RAPGEF4: variants seen among roughly 807,000 people sequenced by gnomAD.
RAPGEF4 encodes the protein RAP guanine-nucleotide-exchange factor (GEF) 4.
Under a neutral mutation model 147.9 loss-of-function variants are expected in RAPGEF4, and 66 were observed. That is an observed-to-expected ratio of 0.45 (90% CI 0.37 to 0.55). The LOEUF is 0.55. Ranked by LOEUF, RAPGEF4 falls within the 20% of genes least tolerant of loss-of-function variation. RAPGEF4 has a pLI of 0.00. For missense variants in RAPGEF4, 1,071 were observed against 1,257.3 expected, an observed-to-expected ratio of 0.85 and a Z score of 2.24; for synonymous variants, 419 against 442.7, an observed-to-expected ratio of 0.95 and a Z score of 0.67.
chr2:172,797,334 A>T (rs969364210), intron 2 of RAPGEF4, among the ~76,000 whole-genome samples, 191 bp from the exon 3 acceptor site: 4 of 152,212 alleles, frequency 2.6e-5, no homozygotes, highest in Non-Finnish European at 5.9e-5. Context: ...AGAATATTGA[A>T]TAAATAGGAT....
intron 30 of RAPGEF4, among the ~76,000 whole-genome samples, chr2:173,050,757 CAAAAAAAA>C (rs34661805): frequency 1.9e-4 from 23 of 120,080 alleles, no homozygotes; most frequent in Admixed American, 3.5e-4. Flanking sequence ...CATTTCTTAA[CAAAAAAAA>C]AAAAAAAAAA....
At chr2:172,993,687 C>T (rs1410810368) in intron 15 of RAPGEF4, among the ~76,000 whole-genome samples, 1 of 152,138 alleles carries the variant, frequency 6.6e-6, no homozygotes, top group Non-Finnish European at 1.5e-5. Context: ...AAAGCCGTCA[C>T]GTGATGTTTC....
chr2:172,818,256 C>T (rs1688711237), intron 4 of RAPGEF4, among the ~76,000 whole-genome samples: 1 of 151,944 alleles, frequency 6.6e-6, no homozygotes, highest in Non-Finnish European at 1.5e-5. Flanking sequence ...GTGATGGATG[C>T]ACGAAAATCT....
chr2:172,984,552 C>A (rs1433893554), intron 11 of RAPGEF4, among the ~76,000 whole-genome samples: 1 of 152,202 alleles, frequency 6.6e-6, no homozygotes, highest in Admixed American at 6.5e-5. Context: ...ATGTGGACTA[C>A]CCAGGGAAGT....
intron 17 of RAPGEF4, among the ~76,000 whole-genome samples, chr2:173,012,590 C>T (rs1184445021): frequency 1.3e-5 from 2 of 152,354 alleles, no homozygotes; most frequent in East Asian, 1.9e-4. Flanking sequence ...GATTCTCCTT[C>T]GGTTCACCTT....
At chr2:172,814,504 G>C (rs1431552398) in intron 4 of RAPGEF4, 79 bp downstream of exon 4, 2 of 1,505,388 alleles carry the variant, frequency 1.3e-6, no homozygotes, top group Non-Finnish European at 1.8e-6. Context: ...TGGCATTACA[G>C]TCAAGCCTTA....
chr2:173,034,413 C>A (rs575148217), intron 27 of RAPGEF4, among the ~76,000 whole-genome samples: 15 of 152,154 alleles, frequency 9.9e-5, no homozygotes, highest in African/African-American at 3.6e-4. Flanking sequence ...AGCCAGACAC[C>A]CAGGAAGAAG....
At chr2:172,790,945 C>T (rs1256951540) in intron 1 of RAPGEF4, among the ~76,000 whole-genome samples, 2 of 152,188 alleles carry the variant, frequency 1.3e-5, no homozygotes, top group South Asian at 2.1e-4. Flanking sequence ...TTATTTCTCA[C>T]AGTTCTGGAG....
intron 1 of RAPGEF4, among the ~76,000 whole-genome samples, chr2:172,777,534 C>T (rs576084324): frequency 6.0e-4 from 91 of 152,290 alleles, no homozygotes; most frequent in African/African-American, 2.0e-3. Flanking sequence ...TGCCACATCT[C>T]TCCATGAGTA....
intron 17 of RAPGEF4, among the ~76,000 whole-genome samples, chr2:173,003,106 G>A (rs1424863426): frequency 6.6e-6 from 1 of 151,178 alleles, no homozygotes; most frequent in African/African-American, 2.4e-5. Context: ...ATCTTTACAA[G>A]TCCAAGCCCC....
intron 4 of RAPGEF4, among the ~76,000 whole-genome samples, chr2:172,833,012 T>G (rs1690527974): frequency 6.6e-6 from 1 of 152,188 alleles, no homozygotes; most frequent in African/African-American, 2.4e-5. Context: ...AAGACTAGCC[T>G]GGCCAACATG....
intron 1 of RAPGEF4, among the ~76,000 whole-genome samples, chr2:172,771,342 G>A (rs897104285): frequency 6.6e-5 from 10 of 151,500 alleles, no homozygotes; most frequent in Non-Finnish European, 1.0e-4. Flanking sequence ...TAATACCATC[G>A]CCTTGGGGGT....
chr2:172,762,246 T>C (rs748261815), intron 1 of RAPGEF4, among the ~76,000 whole-genome samples: 1 of 152,242 alleles, frequency 6.6e-6, no homozygotes, highest in East Asian at 1.9e-4. Context: ...TTGGTGAGCA[T>C]GTACAGCTCC....
chr2:172,912,773 C>T (rs1683573576), intron 4 of RAPGEF4, among the ~76,000 whole-genome samples: 1 of 152,122 alleles, frequency 6.6e-6, no homozygotes, highest in Admixed American at 6.6e-5. Context: ...TCCATCAGTT[C>T]CTCAGGGGCA....
chr2:172,736,499 A>G (rs1008204306), intron 1 of RAPGEF4, among the ~76,000 whole-genome samples: 6 of 152,166 alleles, frequency 3.9e-5, no homozygotes, highest in African/African-American at 1.4e-4. Context: ...TTGAAAGCAA[A>G]GTGTGAGGGA....
intron 1 of RAPGEF4, among the ~76,000 whole-genome samples, chr2:172,779,522 G>C (rs532954612): frequency 1.4e-4 from 22 of 152,308 alleles, no homozygotes; most frequent in Admixed American, 3.9e-4. Context: ...GGGAGTAAGA[G>C]GAGGATAGTA....
Position 172,838,437 on chromosome 2 carries a change from G to C in RAPGEF4, c.444+24012G>C, listed in dbSNP as rs565311117. On this transcript the variant is annotated intron_variant, in intron 4 of 30. Transcript: ENST00000397081. ...AAGTGATTAACTTAGAGAAAATGAAGTAAGATAATATTAAATAAGCCAGCT... is the reference window on the plus strand; with the variant it reads ...AAGTGATTAACTTAGAGAAAATGAACTAAGATAATATTAAATAAGCCAGCT... Among the ~76,000 whole-genome samples the C allele has an allele frequency of 7.2e-5, 11 of 152,200 alleles. No homozygotes were observed. The South Asian group carries it at 1.7e-3, about 23-fold the overall frequency.
At chr2:172,816,766 G>A (rs1187329199) in intron 4 of RAPGEF4, among the ~76,000 whole-genome samples, 1 of 152,196 alleles carries the variant, frequency 6.6e-6, no homozygotes, top group African/African-American at 2.4e-5. Context: ...CATTCAGAGA[G>A]CCATTTGGAA....
intron 29 of RAPGEF4, among the ~76,000 whole-genome samples, chr2:173,040,141 T>C: frequency 6.9e-6 from 1 of 144,552 alleles, no homozygotes; most frequent in Non-Finnish European, 1.5e-5. Context: ...TGAGCCGAGA[T>C]CACACCACTG....
Sources: allele counts gnomAD v4.1 joint callset (sites outside exome capture counted in the v4.1 genomes callset), GRCh38; gene constraint gnomAD v4.1.1; transcripts MANE v1.5; gene names NCBI Gene and HGNC (gene_info 2026-07-23, HGNC 2026-07-21).